GTPBP1: variants seen among roughly 807,000 people sequenced by gnomAD.
GTPBP1 encodes the protein GTP-binding protein 1.
GTPBP1 carries 23 observed loss-of-function variants against 62.0 expected under a neutral mutation model. That is an observed-to-expected ratio of 0.37 (90% CI 0.27 to 0.53). The LOEUF is 0.53. Ranked by LOEUF, GTPBP1 falls within the 20% of genes least tolerant of loss-of-function variation. The pLI is 0.89. For missense variants in GTPBP1, 640 were observed against 917.3 expected (o/e 0.70, Z 3.90); for synonymous variants, 344 against 364.4 (o/e 0.94, Z 0.64).
At chr22:38,739,151 G>T (rs1369939881), downstream of GTPBP1, 2 of 904,838 alleles carry the variant, frequency 2.2e-6, no homozygotes, top group Non-Finnish European at 3.5e-6. This position sits in a 1 kb window ranked among gnomAD's most constrained non-coding sequence, Gnocchi z 6.7. Context: ...CCTCTCCCTG[G>T]CCCAGGATGG....
Position 38,716,967 on chromosome 22 carries a change from G to T in GTPBP1, c.801G>T (p.Met267Ile). The part of the protein sequence containing the change: ...EKYLKTTVFG[M>I]TGHLPDFCML... ...ACCTGAAAACCACTGTCTTCGGCAT[G>T]ACAGGCCATCTGCCTGACTTCTGCA... Residue 267 changes from methionine to isoleucine, a missense_variant, in exon 4 of 12, where the codon ATG (methionine) becomes ATT (isoleucine). Physicochemically the swap from Met to Ile is conservative, Grantham distance 10. This residue lies in a region of GTPBP1 where 88 missense variants were observed against 217.0 expected (regional missense o/e 0.41). Coordinates refer to ENST00000216044, the MANE Select transcript of GTPBP1 (RefSeq NM_004286.5). This position sits in a 1 kb window ranked among gnomAD's most constrained non-coding sequence, Gnocchi z 5.2. 6.2e-7 allele frequency: 1 copy of T among 1,612,722 alleles called. No homozygotes were observed. Among genetic ancestry groups the T allele is most frequent in the South Asian group, 1.1e-5 (1 of 91,014 alleles).
rs138698 is a variant in GTPBP1, at chr22:38,730,012, G to C, written c.1917+350G>C. ...TGTCCAAGTGATATATGTGTGCACT[G>C]CAGTCCAGCAGGTTTGAGAGACACT... is the stretch of plus-strand genomic sequence containing the variant. On this transcript the variant is annotated intron_variant, in intron 11 of 11. Transcript: ENST00000216044. This position sits in a 1 kb window ranked among gnomAD's most constrained non-coding sequence, Gnocchi z 5.6. 0.064 allele frequency among the ~76,000 whole-genome samples: 9,747 copies of C among 152,276 alleles called. 652 individuals are homozygous for C. Among genetic ancestry groups the C allele is most frequent in the African/African-American group, 0.17 (6,934 of 41,514 alleles).
In GTPBP1 at chr22:38,729,397, G is replaced by T. The variant is rs1284485010; in HGVS notation, c.1717-65G>T. 1.3e-5 allele frequency: 16 copies of T among 1,231,080 alleles called. No individual in the cohort carries two copies. In the East Asian group the frequency reaches 3.5e-4, roughly 27 times the overall value. 76.3% of individuals were successfully genotyped at this position (1,231,080 alleles called of 1,614,324 possible). ...GTGGGAGAAGGGGGCTGAGGGTGGG[G>T]GGTAGCCAAGCCAGTGCCACTGCCC... On this transcript the variant is annotated intron_variant, in intron 10 of 11. Coordinates refer to ENST00000216044, the MANE Select transcript of GTPBP1 (RefSeq NM_004286.5).
downstream of GTPBP1, chr22:38,740,385 C>G: frequency 6.4e-7 from 1 of 1,573,258 alleles, no homozygotes; most frequent in South Asian, 1.2e-5. The surrounding 1 kb of genome is among the most constrained non-coding windows in gnomAD (Gnocchi z 4.8). Flanking sequence ...GTCCTCCAGC[C>G]GCCTCAGCTC....
At chr22:38,738,501 A>T, downstream of GTPBP1, 1 of 1,533,682 alleles carries the variant, frequency 6.5e-7, no homozygotes, top group Non-Finnish European at 8.9e-7. This position sits in a 1 kb window ranked among gnomAD's most constrained non-coding sequence, Gnocchi z 6.6. Flanking sequence ...TTCCAGTCCA[A>T]GGGTGACCCT....
intron 4 of GTPBP1, among the ~76,000 whole-genome samples, chr22:38,718,907 A>G (rs143371337): frequency 5.6e-4 from 86 of 152,370 alleles, no homozygotes; most frequent in African/African-American, 2.0e-3. Context: ...TAGTATAACC[A>G]ATACCATAAA....
At chr22:38,738,819 G>A, downstream of GTPBP1, 7 of 1,597,904 alleles carry the variant, frequency 4.4e-6, no homozygotes, top group Non-Finnish European at 6.0e-6. The surrounding 1 kb of genome is among the most constrained non-coding windows in gnomAD (Gnocchi z 6.6). Context: ...CCCCAGATGG[G>A]ACCAGCCCTC....
chr22:38,733,820 G>A (rs931231827), downstream of GTPBP1, among the ~76,000 whole-genome samples: 1 of 152,220 alleles, frequency 6.6e-6, no homozygotes, highest in African/African-American at 2.4e-5. Context: ...GCAGTGTGAG[G>A]GCTGTGCTGT....
Position 38,726,372 on chromosome 22 carries a change from A to G in GTPBP1, c.1333A>G (p.Ile445Val). 2 of 1,614,036 alleles carry G rather than the reference A, an allele frequency of 1.2e-6. No homozygotes were observed. The highest frequency in any genetic ancestry group is 1.7e-6 in the Non-Finnish European group (2 of 1,179,982). The change falls in exon 8 of 12, where the codon ATC becomes GTC. Residue 445 changes from isoleucine to valine, a missense_variant. This residue lies in a region of GTPBP1 where 220 missense variants were observed against 358.1 expected (regional missense o/e 0.61). Transcript: ENST00000216044. The surrounding 1 kb of genome is among the most constrained non-coding windows in gnomAD (Gnocchi z 4.1). ...GNFLSIAVKSIHRKRMPVKEV... is the reference protein window; with the variant it reads ...GNFLSIAVKSVHRKRMPVKEV... ...CTTCCTGTCCATTGCTGTCAAATCCATCCATCGCAAGCGCATGCCTGTCAA... is the reference window on the plus strand; with the variant it reads ...CTTCCTGTCCATTGCTGTCAAATCCGTCCATCGCAAGCGCATGCCTGTCAA...
chr22:38,736,099 A>T (rs1017533492), downstream of GTPBP1: 4 of 709,632 alleles, frequency 5.6e-6, no homozygotes, highest in Non-Finnish European at 7.7e-6. Flanking sequence ...AACCGCCTCG[A>T]GCCACCTGCT....
Position 38,716,272 on chromosome 22 carries a change from G to A in GTPBP1, c.485+185G>A, listed in dbSNP as rs759847123. The A allele has an allele frequency of 2.9e-5, 18 of 611,540 alleles. No homozygotes were observed. The highest frequency in any genetic ancestry group is 4.6e-5 in the Non-Finnish European group (16 of 345,628). 37.9% of individuals were successfully genotyped at this position (611,540 alleles called of 1,614,324 possible). A position where few individuals can be genotyped will look rare whatever the true frequency, so the allele number is the denominator to read the frequency against. ...TTCCCTGTCACTTTGGGAAGAGCAC[G>A]AGAGAGGCCAGCCGTGCATTCTGTG... is the stretch of plus-strand genomic sequence containing the variant. On this transcript the variant is annotated intron_variant, in intron 3 of 11. Transcript: ENST00000216044. The surrounding 1 kb of genome is among the most constrained non-coding windows in gnomAD (Gnocchi z 5.2).
rs2092729419 is a variant in GTPBP1 at position 38,726,871 on chromosome 22, A to G, written c.1402-342A>G. 6.6e-6 allele frequency among the ~76,000 whole-genome samples: 1 copy of G among 152,180 alleles called. No homozygotes were observed. ...CCCACCAACTAAATTAACCAGGAAT[A>G]GTAGGACTTTCTTCCCCACAGTGGT... On this transcript the variant is annotated intron_variant, in intron 8 of 11. Coordinates refer to ENST00000216044, the MANE Select transcript of GTPBP1 (RefSeq NM_004286.5). This position sits in a 1 kb window ranked among gnomAD's most constrained non-coding sequence, Gnocchi z 4.1.
At chr22:38,742,017 G>A (rs1156262619), downstream of GTPBP1, among the ~76,000 whole-genome samples, 1 of 152,094 alleles carries the variant, frequency 6.6e-6, no homozygotes, top group South Asian at 2.1e-4. Context: ...GTGCACGCCT[G>A]TAATCCAGCT....
chr22:38,739,693 G>T (rs751213197), downstream of GTPBP1: 3 of 1,605,576 alleles, frequency 1.9e-6, no homozygotes, highest in South Asian at 3.3e-5. This position sits in a 1 kb window ranked among gnomAD's most constrained non-coding sequence, Gnocchi z 6.7. Flanking sequence ...CTGTGGGTGG[G>T]TGTGTGGAGA....
Position 38,727,661 on chromosome 22 carries a change from G to A in GTPBP1, c.1537+313G>A, listed in dbSNP as rs149508444. On this transcript the variant is annotated intron_variant, in intron 9 of 11. Transcript: ENST00000216044. This position sits in a 1 kb window ranked among gnomAD's most constrained non-coding sequence, Gnocchi z 6.5. ...TGCTGGGAACAAAGATGAAGTAGAT[G>A]GGCAAGGATCCTTCCCCGCAGAAGC... Among the ~76,000 whole-genome samples, 32 of 152,326 alleles carry A rather than the reference G, an allele frequency of 2.1e-4. No individual in the cohort carries two copies. In the East Asian group the frequency reaches 5.0e-3, roughly 24 times the overall value.
chr22:38,739,356 G>GCGTA (rs1284194276), downstream of GTPBP1: 1 of 1,612,980 alleles, frequency 6.2e-7, no homozygotes, highest in Non-Finnish European at 8.5e-7. This position sits in a 1 kb window ranked among gnomAD's most constrained non-coding sequence, Gnocchi z 6.7. Context: ...TGACTCCAGG[G>GCGTA]CGTAGTCTGC....
downstream of GTPBP1, chr22:38,738,194 A>G: frequency 6.2e-7 from 1 of 1,613,960 alleles, no homozygotes; most frequent in Non-Finnish European, 8.5e-7. The surrounding 1 kb of genome is among the most constrained non-coding windows in gnomAD (Gnocchi z 6.6). Flanking sequence ...ACGTCTGAAT[A>G]GGCTCGCCGT....
chr22:38,725,768 G>C, intron 6 of GTPBP1: 1 of 534,234 alleles, frequency 1.9e-6, no homozygotes, highest in East Asian at 3.1e-5. Context: ...GAGAGGAGAG[G>C]ACAGGTGTCA....
chr22:38,710,216 C>T (rs2092630297), intron 2 of GTPBP1, among the ~76,000 whole-genome samples: 1 of 152,212 alleles, frequency 6.6e-6, no homozygotes, highest in South Asian at 2.1e-4. Flanking sequence ...GAAGAAATCT[C>T]AAAATCATTC....
Sources: allele counts gnomAD v4.1 joint callset (sites outside exome capture counted in the v4.1 genomes callset), GRCh38; gene constraint gnomAD v4.1.1; regional missense constraint gnomAD v4.1.1; non-coding constraint Gnocchi (gnomAD v3.1); transcripts MANE v1.5; gene names NCBI Gene and HGNC (gene_info 2026-07-23, HGNC 2026-07-21).